AKAP19: variants seen among roughly 807,000 people sequenced by gnomAD.
AKAP19 encodes small A-kinase anchoring protein.
chr2:190,198,213 G>T, the AKAP19 span, among the ~76,000 whole-genome samples: 1 of 152,168 alleles, frequency 6.6e-6, no homozygotes, highest in East Asian at 1.9e-4. Context: ...AACAGATGTA[G>T]TATTATGAGA....
At chr2:189,968,920 ATAT>A in the AKAP19 span, among the ~76,000 whole-genome samples, 2 of 152,046 alleles carry the variant, frequency 1.3e-5, no homozygotes, top group Non-Finnish European at 1.5e-5. Context: ...AGTATAATAC[ATAT>A]TATAGAAAAA....
the AKAP19 span, among the ~76,000 whole-genome samples, chr2:189,904,300 G>A: frequency 3.3e-5 from 5 of 151,980 alleles, no homozygotes; most frequent in African/African-American, 1.2e-4. Flanking sequence ...TTTTGCAGAT[G>A]AAACACAAAG....
At chr2:189,979,750 A>G in the AKAP19 span, among the ~76,000 whole-genome samples, 2 of 152,318 alleles carry the variant, frequency 1.3e-5, no homozygotes, top group African/African-American at 4.8e-5. Flanking sequence ...CCCCTTCAAA[A>G]GTGAGCCAAG....
At chr2:190,191,616 G>A in the AKAP19 span, among the ~76,000 whole-genome samples, 1 of 152,208 alleles carries the variant, frequency 6.6e-6, no homozygotes, top group African/African-American at 2.4e-5. Context: ...GAGTGCAGTT[G>A]CTCTGTATAT....
the AKAP19 span, chr2:190,200,095 T>G: frequency 3.7e-6 from 6 of 1,614,088 alleles, no homozygotes; most frequent in South Asian, 6.6e-5. Context: ...GCAATGGGCA[T>G]GCAATAACAT....
the AKAP19 span, among the ~76,000 whole-genome samples, chr2:190,037,623 T>C: frequency 1.4e-4 from 22 of 152,262 alleles, no homozygotes; most frequent in Non-Finnish European, 2.8e-4. Flanking sequence ...AGAAAACCAC[T>C]TGGAGCCATG....
chr2:189,966,213 A>T, the AKAP19 span, among the ~76,000 whole-genome samples: 1 of 151,996 alleles, frequency 6.6e-6, no homozygotes, highest in Non-Finnish European at 1.5e-5. Context: ...GGGGTGAGGG[A>T]AAAAAGACTA....
the AKAP19 span, among the ~76,000 whole-genome samples, chr2:190,159,257 A>G: frequency 6.6e-6 from 1 of 152,168 alleles, no homozygotes; most frequent in Non-Finnish European, 1.5e-5. Context: ...AGTATTTGTT[A>G]TATGGGCATG....
At chr2:190,052,474 T>C in the AKAP19 span, among the ~76,000 whole-genome samples, 1 of 152,218 alleles carries the variant, frequency 6.6e-6, no homozygotes, top group Admixed American at 6.5e-5. Context: ...GCATACTTTC[T>C]TGTATGGACA....
chr2:190,061,909 A>G, the AKAP19 span, among the ~76,000 whole-genome samples: 1 of 151,968 alleles, frequency 6.6e-6, no homozygotes, highest in Non-Finnish European at 1.5e-5. Context: ...CACTGCTTGT[A>G]GTATCTCCCA....
At chr2:189,969,500 G>A in the AKAP19 span, among the ~76,000 whole-genome samples, 2 of 152,060 alleles carry the variant, frequency 1.3e-5, no homozygotes, top group Non-Finnish European at 2.9e-5. Context: ...GGAGGCTGAG[G>A]CGGGTGGATC....
At chr2:189,965,684 C>A in the AKAP19 span, among the ~76,000 whole-genome samples, 6 of 151,768 alleles carry the variant, frequency 4.0e-5, no homozygotes, top group Admixed American at 1.3e-4. Context: ...AAAGTGAACA[C>A]TTCTACACTG....
chr2:190,194,465 G>A, the AKAP19 span, among the ~76,000 whole-genome samples: 10 of 141,238 alleles, frequency 7.1e-5, no homozygotes, highest in South Asian at 2.0e-3. Flanking sequence ...GTGTTCCCAC[G>A]TATCCTGTGT....
the AKAP19 span, among the ~76,000 whole-genome samples, chr2:190,034,534 CAAAAAAA>C: frequency 7.3e-5 from 5 of 68,268 alleles, no homozygotes; most frequent in East Asian, 4.1e-4. Context: ...GGCTACAGTG[CAAAAAAA>C]AAAAAAAAAA....
chr2:189,973,344 A>T, the AKAP19 span, among the ~76,000 whole-genome samples: 1 of 152,174 alleles, frequency 6.6e-6, no homozygotes, highest in Non-Finnish European at 1.5e-5. Flanking sequence ...CCACTTGATC[A>T]TGGTGGATAA....
the AKAP19 span, among the ~76,000 whole-genome samples, chr2:190,064,411 T>A: frequency 7.8e-6 from 1 of 128,546 alleles, no homozygotes; most frequent in Admixed American, 8.0e-5. Context: ...TAAGTCAAAC[T>A]TTTTTTTTAA....
the AKAP19 span, among the ~76,000 whole-genome samples, chr2:190,194,354 G>A: frequency 3.9e-5 from 6 of 152,092 alleles, no homozygotes; most frequent in Admixed American, 2.6e-4. Context: ...TTTAAGTTGT[G>A]TATCTTTTAT....
At chr2:190,073,454 G>T in the AKAP19 span, among the ~76,000 whole-genome samples, 1 of 152,110 alleles carries the variant, frequency 6.6e-6, no homozygotes, top group East Asian at 1.9e-4. Context: ...TTTTTTATCA[G>T]TGTATATACC....
At chr2:189,975,327 G>A in the AKAP19 span, among the ~76,000 whole-genome samples, 2 of 152,218 alleles carry the variant, frequency 1.3e-5, no homozygotes, top group African/African-American at 4.8e-5. Context: ...CTTCTGGCTT[G>A]TAGAGTTTCT....
Sources: allele counts gnomAD v4.1 joint callset (sites outside exome capture counted in the v4.1 genomes callset), GRCh38; gene constraint gnomAD v4.1.1; transcripts MANE v1.5; gene names NCBI Gene and HGNC (gene_info 2026-07-23, HGNC 2026-07-21).